TMEM87A: variants seen among roughly 807,000 people sequenced by gnomAD.
TMEM87A encodes Golgi-pH regulating cation channel.
A neutral mutation model predicts 90.0 loss-of-function variants in TMEM87A; 50 were observed. The ratio of observed to expected loss-of-function variants is 0.56; its 90% confidence interval spans 0.44 to 0.70. The LOEUF (loss-of-function observed/expected upper bound fraction) is 0.70, where lower values mean the gene tolerates loss of function less well. Among genes scored for constraint, TMEM87A ranks in the 30% least tolerant of loss-of-function variants. The probability of loss-of-function intolerance (pLI) is 0.00; values close to 1 mark genes in which losing one functional copy is unlikely to be tolerated. For synonymous variants in TMEM87A, 226 were observed against 226.7 expected (o/e 1.00, Z 0.03); for missense variants, 577 against 660.5 (o/e 0.87, Z 1.39).
intron 8 of TMEM87A, among the ~76,000 whole-genome samples, chr15:42,239,261 A>C (rs911353964): frequency 6.6e-6 from 1 of 152,120 alleles, no homozygotes; most frequent in African/African-American, 2.4e-5. Context: ...GGCTGGTCTC[A>C]AACTCCTGAC....
Position 42,272,118 on chromosome 15 carries a change from T to G in TMEM87A, c.150A>C (p.Lys50Asn). ...SKWHIPIPSG[K>N]NYFSFGKILF... ...GGATCTTTCCAAAACTAAAATAATT[T>G]TTCCCCTGCAAACATAAAGGAAAGA... is the stretch of plus-strand genomic sequence containing the variant. The change falls in exon 2 of 20, where the codon AAA (lysine) becomes AAC (asparagine). Residue 50 changes from lysine (K) to asparagine (N), a missense_variant. Lys to Asn is a moderately conservative substitution (Grantham distance 94, BLOSUM62 0). Coordinates refer to ENST00000389834, the MANE Select transcript of TMEM87A (RefSeq NM_015497.5). 4 of 1,606,550 alleles carry G rather than the reference T, an allele frequency of 2.5e-6. No individual in the cohort carries two copies. The highest frequency in any genetic ancestry group is 3.4e-6 in the Non-Finnish European group (4 of 1,176,674).
chr15:42,258,934 A>G, intron 6 of TMEM87A: 1 of 1,191,856 alleles, frequency 8.4e-7, no homozygotes, highest in Non-Finnish European at 1.2e-6. Context: ...GAACTTTGGA[A>G]ATTATTAAAG....
rs2050640398 is a variant in TMEM87A, at chr15:42,228,831, G to C, written c.1132-11C>G. 2 of 1,547,034 alleles carry C rather than the reference G, an allele frequency of 1.3e-6. No homozygotes were observed. The highest frequency in any genetic ancestry group is 1.4e-5 in the African/African-American group (1 of 71,858). On this transcript the variant is annotated splice_polypyrimidine_tract_variant and intron_variant, in intron 12 of 19. Transcript: ENST00000389834. ...CAGGCTAATAAATATGTGTTTGCAG[G>C]TCAAGGAATTCAACATTCAGGAAAA...
At chr15:42,220,251 A>G in intron 15 of TMEM87A, 116 bp from the exon 16 acceptor site, 3 of 712,962 alleles carry the variant, frequency 4.2e-6, no homozygotes, top group Non-Finnish European at 4.7e-6. Flanking sequence ...TCATTAAATC[A>G]GTTTAATAAT....
chr15:42,217,989 T>C lies in TMEM87A; in HGVS notation c.1596-156A>G, dbSNP rs1221138728. 13 of 696,446 alleles carry C rather than the reference T, an allele frequency of 1.9e-5. No individual in the cohort carries two copies. The Admixed American group carries it at 3.3e-4, about 18-fold the overall frequency. The allele number at this position is 696,446 out of a possible 1,614,324, so 43.1% of individuals were successfully genotyped here. A position where few individuals can be genotyped will look rare whatever the true frequency, so the allele number is the denominator to read the frequency against. On this transcript the variant is annotated intron_variant, in intron 18 of 19. Transcript: ENST00000389834. ...TAGGAAAAATAAACAGCAAATACAA[T>C]AAGCAACAGTTACAGAAATTGTATA...
chr15:42,241,750 G>A (rs1427283675), intron 7 of TMEM87A, among the ~76,000 whole-genome samples: 1 of 152,128 alleles, frequency 6.6e-6, no homozygotes, highest in African/African-American at 2.4e-5. Flanking sequence ...CACATTGCGA[G>A]GCCAAGGCGG....
chr15:42,242,568 A>AAG (rs970801330), intron 7 of TMEM87A, among the ~76,000 whole-genome samples: 7 of 145,630 alleles, frequency 4.8e-5, no homozygotes, highest in Non-Finnish European at 2.9e-5. Context: ...GAGGAAGAGA[A>AAG]AGAGAGAGAG....
At chr15:42,237,308 A>T in intron 9 of TMEM87A, 124 bp downstream of exon 9, 1 of 908,058 alleles carries the variant, frequency 1.1e-6, no homozygotes, top group Non-Finnish European at 1.6e-6. Context: ...GATTCTGCTT[A>T]AGATATTGTA....
intron 4 of TMEM87A, chr15:42,261,984 C>T (rs1316495458): frequency 6.6e-6 from 1 of 152,236 alleles, no homozygotes; most frequent in Non-Finnish European, 1.5e-5. Flanking sequence ...CACCATACTA[C>T]ATTTTTTATG....
At chr15:42,259,973 A>C (rs1387696381) in intron 6 of TMEM87A, among the ~76,000 whole-genome samples, 1 of 150,994 alleles carries the variant, frequency 6.6e-6, no homozygotes, top group Non-Finnish European at 1.5e-5. Context: ...GTGACTGATG[A>C]GTATGGGGCT....
chr15:42,226,010 AT>A (rs928533075), intron 15 of TMEM87A, among the ~76,000 whole-genome samples: 24 of 148,074 alleles, frequency 1.6e-4, no homozygotes, highest in East Asian at 7.9e-4. Context: ...GTGTGTCAGC[AT>A]TTTTTTTTTG....
chr15:42,243,082 C>G (rs1370420293), intron 7 of TMEM87A, among the ~76,000 whole-genome samples: 1 of 151,846 alleles, frequency 6.6e-6, no homozygotes, highest in Non-Finnish European at 1.5e-5. Context: ...CTGGCTAACA[C>G]GGTGAAACTC....
At chr15:42,256,984 C>T (rs12438900) in intron 6 of TMEM87A, among the ~76,000 whole-genome samples, 6,850 of 152,242 alleles carry the variant, frequency 0.045, 223 homozygotes, top group Non-Finnish European at 0.066. Flanking sequence ...TCCCAAGGTG[C>T]TGGGGTTACA....
chr15:42,269,012 AT>A (rs61541246), intron 2 of TMEM87A, among the ~76,000 whole-genome samples: 119 of 150,628 alleles, frequency 7.9e-4, no homozygotes, highest in African/African-American at 2.8e-3. Flanking sequence ...AGAGTATCAG[AT>A]TTTTTTTTTC....
chr15:42,234,044 A>G (rs748268066), intron 10 of TMEM87A, among the ~76,000 whole-genome samples: 5 of 152,036 alleles, frequency 3.3e-5, no homozygotes, highest in Admixed American at 6.6e-5. Context: ...GGCCTCCCCA[A>G]GGGCTGGGAT....
chr15:42,219,664 C>A (rs767036789), intron 16 of TMEM87A, 22 bp from the exon 17 acceptor site: 2 of 1,530,236 alleles, frequency 1.3e-6, no homozygotes, highest in East Asian at 4.5e-5. Flanking sequence ...AATAAATATA[C>A]ACTGTTTAAC....
intron 17 of TMEM87A, chr15:42,218,780 T>A: frequency 6.0e-6 from 1 of 167,656 alleles, no homozygotes; most frequent in Non-Finnish European, 1.3e-5. Flanking sequence ...CCATTGTATA[T>A]CAAAATACAC....
At chr15:42,245,964 G>A (rs1595731551) in intron 6 of TMEM87A, among the ~76,000 whole-genome samples, 1 of 152,150 alleles carries the variant, frequency 6.6e-6, no homozygotes, top group Non-Finnish European at 1.5e-5. Context: ...TGTGGTACAA[G>A]CACAATGATG....
At chr15:42,243,169 G>A (rs1212288581) in intron 7 of TMEM87A, among the ~76,000 whole-genome samples, 1 of 152,074 alleles carries the variant, frequency 6.6e-6, no homozygotes, top group Non-Finnish European at 1.5e-5. Flanking sequence ...TTCGGAGACT[G>A]AGGCAGGAGA....
Sources: allele counts gnomAD v4.1 joint callset (sites outside exome capture counted in the v4.1 genomes callset), GRCh38; gene constraint gnomAD v4.1.1; transcripts MANE v1.5; gene names NCBI Gene and HGNC (gene_info 2026-07-23, HGNC 2026-07-21).